The following CNGB1 variants were observed in gnomAD, a reference collection of about 807,000 sequenced individuals.
CNGB1 encodes the protein cyclic nucleotide gated channel subunit beta 1.
In CNGB1, 126 loss-of-function variants were observed where a neutral mutation model predicts 151.7. That is an observed-to-expected ratio of 0.83 (90% confidence interval 0.72 to 0.96). The LOEUF (loss-of-function observed/expected upper bound fraction) is 0.96, where lower values mean the gene tolerates loss of function less well. Among genes scored for constraint, CNGB1 ranks in the 40% least tolerant of loss-of-function variants. The pLI is 0.00. For synonymous variants in CNGB1, 623 were observed against 635.1 expected, an observed-to-expected ratio of 0.98 and a Z score of 0.29; for missense variants, 1,698 against 1,627.0, an observed-to-expected ratio of 1.04 and a Z score of -0.75.
rs988331943 is a variant in CNGB1, at chr16:57,883,940, G to A, written c.*224C>T. The A allele has an allele frequency of 1.5e-5, 9 of 612,372 alleles. 1 individual carries two copies. The Admixed American group carries it at 2.3e-4, about 16-fold the overall frequency. The allele number at this position is 612,372 out of a possible 1,614,324, so 37.9% of individuals were successfully genotyped here. A position where few individuals can be genotyped will look rare whatever the true frequency, so the allele number is the denominator to read the frequency against. On this transcript the variant is annotated 3_prime_UTR_variant, in exon 33 of 33. Transcript: ENST00000251102. ...AATGATAGTGAGAGCTCAGGGACTC[G>A]AACACTTGATGCAACTTGTCGAGCT...
chr16:57,960,114 T>A (rs2149386620), intron 9 of CNGB1, 49 bp from the exon 10 acceptor site: 1 of 1,534,720 alleles, frequency 6.5e-7, no homozygotes, highest in East Asian at 2.4e-5. Flanking sequence ...CTTGAGGGCT[T>A]CCTCCAACCC....
chr16:57,898,052 G>T, intron 29 of CNGB1, 138 bp from the exon 30 acceptor site: 1 of 837,926 alleles, frequency 1.2e-6, no homozygotes, highest in Non-Finnish European at 2.1e-6. Flanking sequence ...CACAACTTGG[G>T]GTGTCGTGTG....
chr16:57,894,045 T>C lies in CNGB1; in HGVS notation c.3242+3352A>G, dbSNP rs562255918. On this transcript the variant is annotated intron_variant, in intron 31 of 32. Coordinates refer to ENST00000251102, the MANE Select transcript of CNGB1 (RefSeq NM_001297.5). ...AGGGTTTGAAAACAAAAACCGGCTT[T>C]TCTAAAAAGAATGACCTGTTCCCCA... Among the ~76,000 whole-genome samples the C allele has an allele frequency of 1.3e-5, 2 of 152,282 alleles. 1 individual carries two copies. Among genetic ancestry groups the C allele is most frequent in the South Asian group, 4.1e-4 (2 of 4,832 alleles).
intron 16 of CNGB1, among the ~76,000 whole-genome samples, chr16:57,935,025 AACAGAGCAAG>A (rs1961469367): frequency 6.6e-6 from 1 of 150,970 alleles, no homozygotes; most frequent in South Asian, 2.1e-4. Context: ...CAGCCTGGGC[AACAGAGCAAG>A]ACTCCATCTC....
rs540261785 is a variant in CNGB1, at chr16:57,920,533, C to T, written c.1655G>A (p.Arg552His). 2.4e-5 allele frequency: 38 copies of T among 1,612,930 alleles called. No individual in the cohort carries two copies. The highest frequency in any genetic ancestry group is 2.0e-4 in the Admixed American group (12 of 60,018). Residue 552 changes from arginine to histidine, a missense_variant, in exon 19 of 33, where the codon CGT becomes CAT. Coordinates refer to ENST00000251102, the MANE Select transcript of CNGB1 (RefSeq NM_001297.5). ...TTPKDTDGQDRAASTASTNSA... is the reference protein window; with the variant it reads ...TTPKDTDGQDHAASTASTNSA... ...ATTTGTGCTGGCCGTGGAGGCCGCA[C>T]GGTCCTGGCCACTGTGGGAACATCA... is the stretch of plus-strand genomic sequence containing the variant.
At chr16:57,907,021 T>C (rs1960569597) in intron 25 of CNGB1, among the ~76,000 whole-genome samples, 1 of 152,222 alleles carries the variant, frequency 6.6e-6, no homozygotes, top group Non-Finnish European at 1.5e-5. Context: ...CTTCATGCTA[T>C]TGGAATTTCT....
chr16:57,923,494 G>A lies in CNGB1; in HGVS notation c.1536-114C>T, dbSNP rs1286999226. The A allele has an allele frequency of 2.5e-5, 21 of 852,632 alleles. No individual in the cohort carries two copies. In the South Asian group the frequency reaches 2.8e-4, roughly 11 times the overall value. 52.8% of individuals were successfully genotyped at this position (852,632 alleles called of 1,614,324 possible). On this transcript the variant is annotated intron_variant, in intron 17 of 32. Coordinates refer to ENST00000251102, the MANE Select transcript of CNGB1 (RefSeq NM_001297.5). ...AGAGCCAATTCCTAGATAGAGGATG[G>A]GGGGCGGAGCATGAACTTCTGAGTC...
intron 16 of CNGB1, among the ~76,000 whole-genome samples, chr16:57,936,846 G>GA (rs1270593931): frequency 2.0e-5 from 3 of 151,950 alleles, no homozygotes; most frequent in Non-Finnish European, 4.4e-5. Flanking sequence ...GAAAGAGAGA[G>GA]AAAAAAATAA....
chr16:57,919,144 G>A lies in CNGB1; in HGVS notation c.1912C>T (p.Pro638Ser). The change falls in exon 20 of 33, where the codon CCC (proline) becomes TCC (serine). Residue 638 changes from proline to serine, a missense_variant. Physicochemically the swap from Pro to Ser is moderately conservative, Grantham distance 74. Coordinates refer to ENST00000251102, the MANE Select transcript of CNGB1 (RefSeq NM_001297.5). ...TGGGGAAACTGGTACTTCTTCCAGG[G>A]GCGGTGTTTGAACTTGCAGCAGAGC... ...DMLCCKFKHRPWKKYQFPQSI... is the reference protein window; with the variant it reads ...DMLCCKFKHRSWKKYQFPQSI... The A allele has an allele frequency of 1.2e-6, 2 of 1,614,182 alleles. No individual in the cohort carries two copies. The highest frequency in any genetic ancestry group is 1.1e-5 in the South Asian group (1 of 91,080).
At position 57,940,297 on chromosome 16, in the gene CNGB1, C is replaced by T. The variant is rs762420235; in HGVS notation, c.1146G>A (p.Val382=). ...CACTCTGGCCCACGCCCACCTGCGACACCACACAGCTATCCAGCAGCACCC... is the reference window on the plus strand; with the variant it reads ...CACTCTGGCCCACGCCCACCTGCGATACCACACAGCTATCCAGCAGCACCC... The part of the protein sequence containing the change: ...VTEVLLDSCV[V]SQVGVGQSEE... The change falls in exon 15 of 33, where the codon GTG becomes GTA. Residue 382 remains valine (V), a synonymous_variant. Transcript: ENST00000251102. The T allele has an allele frequency of 1.3e-6, 2 of 1,583,194 alleles. No individual in the cohort carries two copies. The highest frequency in any genetic ancestry group is 2.3e-5 in the South Asian group (2 of 86,580).
intron 1 of CNGB1, 79 bp from the exon 2 acceptor site, chr16:57,967,373 G>A: frequency 7.0e-7 from 1 of 1,420,658 alleles, no homozygotes; most frequent in Non-Finnish European, 9.9e-7. Context: ...CTTATGAGTT[G>A]TACATTTCCT....
At chr16:57,968,246 C>G (rs894003674) in intron 1 of CNGB1, among the ~76,000 whole-genome samples, 2 of 152,130 alleles carry the variant, frequency 1.3e-5, no homozygotes, top group East Asian at 1.9e-4. Flanking sequence ...ACCTATAATC[C>G]CAGCACTTTG....
At chr16:57,951,828 C>A (rs116492452) in intron 12 of CNGB1, among the ~76,000 whole-genome samples, 1 of 152,290 alleles carries the variant, frequency 6.6e-6, no homozygotes, top group African/African-American at 2.4e-5. Context: ...GCTTCCATTG[C>A]CAGGCACAGA....
intron 12 of CNGB1, among the ~76,000 whole-genome samples, chr16:57,956,872 A>T: frequency 6.6e-6 from 1 of 152,094 alleles, no homozygotes; most frequent in Admixed American, 6.6e-5. Flanking sequence ...AGGGCATCAT[A>T]TGCCTCCCCA....
In CNGB1 at chr16:57,924,620, A is replaced by G. The variant is rs16959516; in HGVS notation, c.1536-1240T>C. Among the ~76,000 whole-genome samples the G allele has an allele frequency of 4.9e-3, 753 of 152,362 alleles. 3 individuals carry two copies. The highest frequency in any genetic ancestry group is 0.018 in the African/African-American group (730 of 41,578). ...GAGCATCAGATCAGTCAGTAGCATG[A>G]AGATGAGAGTTTAGGACTTGACGTG... On this transcript the variant is annotated intron_variant, in intron 17 of 32. Coordinates refer to ENST00000251102, the MANE Select transcript of CNGB1 (RefSeq NM_001297.5).
At chr16:57,965,435 C>T (rs1962369787) in intron 2 of CNGB1, among the ~76,000 whole-genome samples, 1 of 152,172 alleles carries the variant, frequency 6.6e-6, no homozygotes, top group Non-Finnish European at 1.5e-5. Flanking sequence ...ACACAACATG[C>T]ACATATGCAT....
intron 17 of CNGB1, among the ~76,000 whole-genome samples, 177 bp from the exon 18 acceptor site, chr16:57,923,557 G>T (rs1179794165): frequency 4.6e-5 from 7 of 152,084 alleles, no homozygotes; most frequent in Non-Finnish European, 1.0e-4. Flanking sequence ...GCAGAAGAGA[G>T]GGGCATAGCC....
chr16:57,896,429 T>C (rs539798924), intron 31 of CNGB1, among the ~76,000 whole-genome samples: 210 of 152,196 alleles, frequency 1.4e-3, no homozygotes, highest in Middle Eastern at 6.8e-3. Context: ...AACTGGCCTG[T>C]ATGGGCTGGG....
intron 14 of CNGB1, among the ~76,000 whole-genome samples, chr16:57,945,734 A>T (rs1374449061): frequency 6.6e-6 from 1 of 152,210 alleles, no homozygotes; most frequent in Non-Finnish European, 1.5e-5. Flanking sequence ...CAGTTCTCTC[A>T]TCTGTGAAAT....
Sources: allele counts gnomAD v4.1 joint callset (sites outside exome capture counted in the v4.1 genomes callset), GRCh38; gene constraint gnomAD v4.1.1; transcripts MANE v1.5; gene names NCBI Gene and HGNC (gene_info 2026-07-23, HGNC 2026-07-21).